AKAP3: variants seen among roughly 807,000 people sequenced by gnomAD.
The protein encoded by AKAP3 is A-kinase anchoring protein 3, also known as A-kinase anchor protein 3.
In AKAP3, 27 loss-of-function variants were observed where a neutral mutation model predicts 57.2. The ratio of observed to expected loss-of-function variants is 0.47; its 90% CI spans 0.35 to 0.65. The LOEUF (loss-of-function observed/expected upper bound fraction) is 0.65, where lower values mean the gene tolerates loss of function less well. AKAP3 is among the 30% of genes least tolerant of loss of function. AKAP3 has a pLI of 0.01. For missense variants in AKAP3, 959 were observed against 1,040.0 expected (o/e 0.92, Z 1.07); for synonymous variants, 334 against 392.3 (o/e 0.85, Z 1.76).
intron 2 of AKAP3, among the ~76,000 whole-genome samples, chr12:4,644,207 T>C (rs532230515): frequency 1.3e-5 from 2 of 152,336 alleles, no homozygotes; most frequent in East Asian, 3.9e-4. Flanking sequence ...GAGCTTCTTC[T>C]TCTAGTCCCT....
chr12:4,629,871 G>A (rs1313727474), intron 4 of AKAP3, among the ~76,000 whole-genome samples: 5 of 152,078 alleles, frequency 3.3e-5, no homozygotes. Context: ...GGCTTCCAAT[G>A]GACTGACATC....
chr12:4,621,432 T>G (rs1055650051), intron 5 of AKAP3, among the ~76,000 whole-genome samples: 5 of 152,222 alleles, frequency 3.3e-5, no homozygotes, highest in Non-Finnish European at 7.3e-5. Flanking sequence ...TCCTGTGAGC[T>G]CCATTCATGG....
In AKAP3 at chr12:4,615,800, T is replaced by A. The variant is rs138062855; in HGVS notation, c.2501A>T (p.Asn834Ile). Residue 834 changes from asparagine (N) to isoleucine (I), a missense_variant, in exon 6 of 6, where the codon AAT (asparagine) becomes ATT (isoleucine). By Grantham distance (149) the Asn-to-Ile change is moderately radical. Coordinates refer to ENST00000228850, the MANE Select transcript of AKAP3 (RefSeq NM_001278309.2). ...CGGTGTGACATTCCCCACCGCCTCA[T>A]TCAGCTGGCGCTCCTTCTCATAGCG... ...VLRYEKERQL[N>I]EAVGNVTPLQ... 104 of 1,614,086 alleles carry A rather than the reference T, an allele frequency of 6.4e-5. No homozygotes were observed. The highest frequency in any genetic ancestry group is 8.6e-5 in the Non-Finnish European group (102 of 1,180,030).
chr12:4,638,576 T>C (rs546091036), intron 3 of AKAP3, among the ~76,000 whole-genome samples: 2 of 152,256 alleles, frequency 1.3e-5, no homozygotes, highest in Admixed American at 6.5e-5. Flanking sequence ...GTGACCAAAA[T>C]AGAATTAATT....
chr12:4,644,495 TGAG>T (rs1183159166), intron 2 of AKAP3, among the ~76,000 whole-genome samples: 1 of 152,246 alleles, frequency 6.6e-6, no homozygotes, highest in Non-Finnish European at 1.5e-5. Flanking sequence ...AAAGGATAGC[TGAG>T]GAGATCTTGT....
chr12:4,646,192 C>T (rs1369371016), intron 1 of AKAP3, among the ~76,000 whole-genome samples: 1 of 152,130 alleles, frequency 6.6e-6, no homozygotes, highest in African/African-American at 2.4e-5. Context: ...GTTAGCTACT[C>T]TTTCTATGCT....
intron 4 of AKAP3, among the ~76,000 whole-genome samples, chr12:4,634,476 A>T (rs1329571202): frequency 1.3e-5 from 2 of 152,182 alleles, no homozygotes; most frequent in Non-Finnish European, 2.9e-5. Context: ...AATTTAAAAT[A>T]ATCAAGTTTA....
At chr12:4,638,016 G>A in intron 4 of AKAP3, 85 bp downstream of exon 4, 1 of 1,112,190 alleles carries the variant, frequency 9.0e-7, no homozygotes, top group Non-Finnish European at 1.4e-6. Flanking sequence ...ATAAGAGGTT[G>A]GTGGTATGGT....
chr12:4,646,544 C>T (rs113179527), intron 1 of AKAP3, among the ~76,000 whole-genome samples: 5 of 152,052 alleles, frequency 3.3e-5, no homozygotes, highest in South Asian at 2.1e-4. Context: ...TGGTGGTACA[C>T]GCTTGTAATG....
In AKAP3 at chr12:4,627,858, G is replaced by A. The variant is rs1298079664; in HGVS notation, c.1044C>T (p.Leu348=). 1 of 1,614,016 alleles carries A rather than the reference G, an allele frequency of 6.2e-7. No individual in the cohort carries two copies. Among genetic ancestry groups the A allele is most frequent in the Non-Finnish European group, 8.5e-7 (1 of 1,180,016 alleles). ...LRNLHSVTGT[L]MTDTQFVSAV... The stretch of plus-strand genomic sequence containing the variant: ...CCGAGACAAACTGTGTGTCAGTCAT[G>A]AGGGTCCCTGTGACGCTGTGGAGAT... The change falls in exon 5 of 6, where the codon CTC becomes CTT. Residue 348 remains leucine (L), a synonymous_variant. Coordinates refer to ENST00000228850, the MANE Select transcript of AKAP3 (RefSeq NM_001278309.2).
chr12:4,633,705 T>C (rs1017033838), intron 4 of AKAP3, among the ~76,000 whole-genome samples: 4 of 117,220 alleles, frequency 3.4e-5, no homozygotes, highest in African/African-American at 1.5e-4. Flanking sequence ...GAAGAGGTCA[T>C]GGGTTTTATT....
Position 4,628,668 on chromosome 12 carries a change from G to A in AKAP3, c.234C>T (p.His78=). Residue 78 remains histidine, a synonymous_variant, in exon 5 of 6, where the codon CAC becomes CAT. Coordinates refer to ENST00000228850, the MANE Select transcript of AKAP3 (RefSeq NM_001278309.2). ...GGETSNSGDP[H]KGFSVDYYNT... The stretch of plus-strand genomic sequence containing the variant: ...TGTAATAGTCTACAGAGAAACCTTT[G>A]TGTGGGTCTCCTGAGTTGGACGTTT... The A allele has an allele frequency of 6.2e-7, 1 of 1,614,198 alleles. No individual in the cohort carries two copies. Among genetic ancestry groups the A allele is most frequent in the Non-Finnish European group, 8.5e-7 (1 of 1,180,030 alleles).
At chr12:4,639,011 C>G (rs1945601512) in intron 3 of AKAP3, among the ~76,000 whole-genome samples, 1 of 152,216 alleles carries the variant, frequency 6.6e-6, no homozygotes, top group Non-Finnish European at 1.5e-5. Context: ...CTATTTCTCT[C>G]TTTTTCCATT....
At chr12:4,641,186 C>T (rs1026391800) in intron 3 of AKAP3, among the ~76,000 whole-genome samples, 3 of 150,616 alleles carry the variant, frequency 2.0e-5, no homozygotes, top group South Asian at 2.1e-4. Context: ...CCGCAACCTC[C>T]GCCTTCCCAG....
In AKAP3 at chr12:4,626,761, A is replaced by G; in HGVS notation, c.2141T>C (p.Leu714Ser). The G allele has an allele frequency of 6.2e-7, 1 of 1,612,922 alleles. No individual in the cohort carries two copies. The highest frequency in any genetic ancestry group is 2.2e-5 in the East Asian group (1 of 44,888). Residue 714 changes from leucine (L) to serine (S), a missense_variant, in exon 5 of 6, where the codon TTA (leucine) becomes TCA (serine). Physicochemically the swap from Leu to Ser is moderately radical, Grantham distance 145. Transcript: ENST00000228850. ...GCCCTTGGCTGGTAAGCACTCATAT[A>G]AACTATCTGGGAAGGCCGAAGTTAG... ...SRLTSAFPDS[L>S]YECLPAKGTG...
chr12:4,630,116 T>C (rs556150902), intron 4 of AKAP3, among the ~76,000 whole-genome samples: 1 of 152,236 alleles, frequency 6.6e-6, no homozygotes, highest in Non-Finnish European at 1.5e-5. Context: ...CATATGTCTA[T>C]CTGGGAATGA....
At chr12:4,645,997 A>G (rs1249009217) in intron 1 of AKAP3, 1 of 151,952 alleles carries the variant, frequency 6.6e-6, no homozygotes, top group Non-Finnish European at 1.5e-5. Context: ...TCCAGCCAGG[A>G]CTCTTTTTAT....
intron 2 of AKAP3, 122 bp downstream of exon 2, chr12:4,644,933 G>A (rs150467001): frequency 6.6e-6 from 1 of 152,070 alleles, no homozygotes; most frequent in African/African-American, 2.4e-5. Context: ...AAAATCAGCT[G>A]GACAGAAGAA....
Position 4,627,989 on chromosome 12 carries a change from T to C in AKAP3, c.913A>G (p.Lys305Glu). ...DMMVSIMKTLKIQVKDTTIAT... is the reference protein window; with the variant it reads ...DMMVSIMKTLEIQVKDTTIAT... ...ATGGTTGTGTCTTTCACTTGGATCT[T>C]CAGTGTCTTCATGATGGAGACCATC... Residue 305 changes from lysine to glutamate, a missense_variant, in exon 5 of 6, where the codon AAG becomes GAG. By Grantham distance (56) the Lys-to-Glu change is moderately conservative. Transcript: ENST00000228850. 6.2e-7 allele frequency: 1 copy of C among 1,614,032 alleles called. No individual in the cohort carries two copies. The highest frequency in any genetic ancestry group is 1.7e-5 in the Admixed American group (1 of 59,990).
Sources: allele counts gnomAD v4.1 joint callset (sites outside exome capture counted in the v4.1 genomes callset), GRCh38; gene constraint gnomAD v4.1.1; transcripts MANE v1.5; gene names NCBI Gene and HGNC (gene_info 2026-07-23, HGNC 2026-07-21).